HIC1: variants seen among roughly 807,000 people sequenced by gnomAD.
HIC1 encodes HIC ZBTB transcriptional repressor 1, also known as hypermethylated in cancer 1 protein.
Under a neutral mutation model 26.4 loss-of-function variants are expected in HIC1, and 9 were observed. The ratio of observed to expected loss-of-function variants is 0.34; its 90% CI spans 0.21 to 0.59. The LOEUF is 0.59. HIC1 is among the 20% of genes least tolerant of loss of function. HIC1 has a pLI of 0.82. For missense variants in HIC1, 965 were observed against 1,075.7 expected, an observed-to-expected ratio of 0.90 and a Z score of 1.44; for synonymous variants, 631 against 523.1, an observed-to-expected ratio of 1.21 and a Z score of -2.81.
In HIC1 at chr17:2,058,960, T is replaced by C. The variant is rs561855842; in HGVS notation, c.*125T>C. On this transcript the variant is annotated 3_prime_UTR_variant, in exon 2 of 2. Coordinates refer to ENST00000619757, the MANE Select transcript of HIC1 (RefSeq NM_006497.4). ...ACCGCAGCGTCGCCACAGTGGCGGCTCCACCTCTCGGCGGCCTCACCTGGC... is the reference window on the plus strand; with the variant it reads ...ACCGCAGCGTCGCCACAGTGGCGGCCCCACCTCTCGGCGGCCTCACCTGGC... 3.3e-5 allele frequency: 29 copies of C among 892,038 alleles called. No homozygotes were observed. In the African/African-American group the frequency reaches 4.3e-4, roughly 13 times the overall value. The allele number at this position is 892,038 out of a possible 1,614,324, so 55.3% of individuals were successfully genotyped here. A position where few individuals can be genotyped will look rare whatever the true frequency, so the allele number is the denominator to read the frequency against.
In HIC1 at chr17:2,060,701, G is replaced by C. The variant is rs534628118; in HGVS notation, c.*1866G>C. 6.6e-6 allele frequency: 1 copy of C among 152,380 alleles called. No homozygotes were observed. The highest frequency in any genetic ancestry group is 2.4e-5 in the African/African-American group (1 of 41,386). The allele number at this position is 152,380 out of a possible 1,614,324, so 9.4% of individuals were successfully genotyped here. On this transcript the variant is annotated 3_prime_UTR_variant, in exon 2 of 2. Transcript: ENST00000619757. ...ACATTTCCTGAAGAGGAAGCTAGAC[G>C]GAAAGAAAGGCCAGTGAGGAGAGAG... is the stretch of plus-strand genomic sequence containing the variant.
rs973922087 is a variant in HIC1, at chr17:2,060,006, C to T, written c.*1171C>T. 1 of 152,306 alleles carries T rather than the reference C, an allele frequency of 6.6e-6. No individual in the cohort carries two copies. The highest frequency in any genetic ancestry group is 2.4e-5 in the African/African-American group (1 of 41,448). 9.4% of individuals were successfully genotyped at this position (152,306 alleles called of 1,614,324 possible). On this transcript the variant is annotated 3_prime_UTR_variant, in exon 2 of 2. Transcript: ENST00000619757. The stretch of plus-strand genomic sequence containing the variant: ...GACCCTGTACTCCAAAGAGCCCAGT[C>T]TTCTGAGACTCTAGGGGACTCCTAC...
chr17:2,057,217 C>T lies in HIC1; in HGVS notation c.527C>T (p.Pro176Leu). 7.1e-7 allele frequency: 1 copy of T among 1,404,644 alleles called. No homozygotes were observed. Among genetic ancestry groups the T allele is most frequent in the East Asian group, 3.2e-5 (1 of 31,334 alleles). 87.0% of individuals were successfully genotyped at this position (1,404,644 alleles called of 1,614,324 possible). Residue 176 changes from proline to leucine, a missense_variant, in exon 2 of 2, where the codon CCT (proline) becomes CTT (leucine). Pro to Leu is a moderately conservative substitution (Grantham distance 98, BLOSUM62 -3). This residue lies in a region of HIC1 where 526 missense variants were observed against 525.0 expected (regional missense o/e 1.00). Transcript: ENST00000619757. Reference protein sequence around the residue: ...IQACYPSPVGPPPPPAAEPPS... With the variant: ...IQACYPSPVGLPPPPAAEPPS... ...GCCTGCTACCCGTCCCCAGTCGGGC[C>T]TCCGCCGCCGCCTGCCGCGGAGCCG...
chr17:2,057,735 G>C lies in HIC1; in HGVS notation c.1045G>C (p.Gly349Arg). ...TGGTGGGGACGCGGCCGTCTCGCCC[G>C]GGGGGCCCCCGCTCGGCCTGGCGCC... ...ERGGDAAVSP[G>R]GPPLGLAPPP... Residue 349 changes from glycine to arginine, a missense_variant, in exon 2 of 2, where the codon GGG becomes CGG. By Grantham distance (125) the Gly-to-Arg change is moderately radical. Around this residue, in one of 6 missense-constraint regions of HIC1, gnomAD observed 526 missense variants for 525.0 expected, o/e 1.00. Transcript: ENST00000619757. The C allele has an allele frequency of 1.4e-6, 2 of 1,394,674 alleles. No homozygotes were observed. The highest frequency in any genetic ancestry group is 1.6e-5 in the South Asian group (1 of 63,408). 86.4% of individuals were successfully genotyped at this position (1,394,674 alleles called of 1,614,324 possible).
chr17:2,056,282 C>T lies in HIC1; in HGVS notation c.-20-389C>T, dbSNP rs749168040. 7 of 1,606,984 alleles carry T rather than the reference C, an allele frequency of 4.4e-6. No homozygotes were observed. The Admixed American group carries it at 5.0e-5, about 11-fold the overall frequency. On this transcript the variant is annotated intron_variant, in intron 1 of 1. Coordinates refer to ENST00000619757, the MANE Select transcript of HIC1 (RefSeq NM_006497.4). ...CGCTGGTTCCTCGGCTCCCTTTCTCCCTACTTGGGTAAAGTTCTCCGCCCT... is the reference window on the plus strand; with the variant it reads ...CGCTGGTTCCTCGGCTCCCTTTCTCTCTACTTGGGTAAAGTTCTCCGCCCT...
At position 2,058,463 on chromosome 17, in the gene HIC1, G is replaced by A; in HGVS notation, c.1773G>A (p.Met591Ile). Residue 591 changes from methionine (M) to isoleucine (I), a missense_variant, in exon 2 of 2, where the codon ATG (methionine) becomes ATA (isoleucine). Physicochemically the swap from Met to Ile is conservative, Grantham distance 10. Coordinates refer to ENST00000619757, the MANE Select transcript of HIC1 (RefSeq NM_006497.4). ...AGCAACGCAACCTCATCAGCCACAT[G>A]AAGATGCACGCCGTGGGGGGCGCGG... ...FAQQRNLISH[M>I]KMHAVGGAAG... 6.4e-7 allele frequency: 1 copy of A among 1,565,136 alleles called. No homozygotes were observed. The highest frequency in any genetic ancestry group is 8.6e-7 in the Non-Finnish European group (1 of 1,160,126).
rs2067690569 is a variant in HIC1 at position 2,057,995 on chromosome 17, G to A, written c.1305G>A (p.Ala435=). The A allele has an allele frequency of 3.1e-6, 5 of 1,606,838 alleles. No individual in the cohort carries two copies. Among genetic ancestry groups the A allele is most frequent in the South Asian group, 2.2e-5 (2 of 90,208 alleles). The change falls in exon 2 of 2, where the codon GCG becomes GCA. Residue 435 remains alanine, a synonymous_variant. Transcript: ENST00000619757. ...KGFPSSEQLN[A]HVEAHVEEEE... is the part of the protein sequence containing the mutation. ...TCCCCAGCTCTGAGCAGCTGAACGC[G>A]CACGTGGAGGCTCACGTGGAGGAGG...
rs1176856402 is a variant in HIC1 at position 2,061,343 on chromosome 17, C to G, written c.*2508C>G. 13 of 779,246 alleles carry G rather than the reference C, an allele frequency of 1.7e-5. No individual in the cohort carries two copies. The highest frequency in any genetic ancestry group is 1.3e-4 in the Admixed American group (5 of 38,002). The allele number at this position is 779,246 out of a possible 1,614,324, so 48.3% of individuals were successfully genotyped here. On this transcript the variant is annotated 3_prime_UTR_variant, in exon 2 of 2. Transcript: ENST00000619757. ...GGCTCTGTGAGGAGCAGGTCCCCCA[C>G]AGCATGGCCGTGGCGTGGGTTGGAA...
In HIC1 at chr17:2,058,927, C is replaced by A; in HGVS notation, c.*92C>A. On this transcript the variant is annotated 3_prime_UTR_variant, in exon 2 of 2. Coordinates refer to ENST00000619757, the MANE Select transcript of HIC1 (RefSeq NM_006497.4). ...GGGCGGCGCGCAGGGCCCACTGTGC[C>A]CGGGACAACCGCAGCGTCGCCACAG... 1 of 1,134,768 alleles carries A rather than the reference C, an allele frequency of 8.8e-7. No homozygotes were observed. The highest frequency in any genetic ancestry group is 1.2e-6 in the Non-Finnish European group (1 of 853,504). 70.3% of individuals were successfully genotyped at this position (1,134,768 alleles called of 1,614,324 possible). A position where few individuals can be genotyped will look rare whatever the true frequency, so the allele number is the denominator to read the frequency against.
rs2067743010 is a variant in HIC1 at position 2,060,534 on chromosome 17, A to T, written c.*1699A>T. On this transcript the variant is annotated 3_prime_UTR_variant, in exon 2 of 2. Transcript: ENST00000619757. ...GGGAAAGTTCAGAGTGAGAACCCCT[A>T]TGACGAGGAACCGCGGTGAAGAAAT... 6.6e-6 allele frequency: 1 copy of T among 152,278 alleles called. No homozygotes were observed. Among genetic ancestry groups the T allele is most frequent in the Admixed American group, 6.5e-5 (1 of 15,272 alleles). The allele number at this position is 152,278 out of a possible 1,614,324, so 9.4% of individuals were successfully genotyped here. A position where few individuals can be genotyped will look rare whatever the true frequency, so the allele number is the denominator to read the frequency against.
Position 2,057,051 on chromosome 17 carries a change from G to C in HIC1, c.361G>C (p.Asp121His). The change falls in exon 2 of 2, where the codon GAC becomes CAC. Residue 121 changes from aspartate (D) to histidine (H), a missense_variant. By Grantham distance (81) the Asp-to-His change is moderately conservative. Coordinates refer to ENST00000619757, the MANE Select transcript of HIC1 (RefSeq NM_006497.4). ...CGCCGCCAGCTACCTGCAGATCCCC[G>C]ACCTCGTGGCGCTGTGCAAGAAACG... The part of the protein sequence containing the change: ...LAAASYLQIP[D>H]LVALCKKRLK... The C allele has an allele frequency of 6.7e-7, 1 of 1,485,946 alleles. No homozygotes were observed. Among genetic ancestry groups the C allele is most frequent in the South Asian group, 1.3e-5 (1 of 75,328 alleles). The allele number at this position is 1,485,946 out of a possible 1,614,324, so 92.0% of individuals were successfully genotyped here. A position where few individuals can be genotyped will look rare whatever the true frequency, so the allele number is the denominator to read the frequency against.
chr17:2,057,575 G>A lies in HIC1; in HGVS notation c.885G>A (p.Pro295=), dbSNP rs1277624047. The A allele has an allele frequency of 6.0e-6, 9 of 1,504,546 alleles. No individual in the cohort carries two copies. The highest frequency in any genetic ancestry group is 1.2e-5 in the South Asian group (1 of 81,614). 93.2% of individuals were successfully genotyped at this position (1,504,546 alleles called of 1,614,324 possible). The part of the protein sequence containing the change: ...SDPFRGGSGS[P]GPEPPGRPDG... ...CATTTCGCGGCGGCAGCGGCAGCCC[G>A]GGACCCGAGCCCCCCGGCCGCCCCG... The change falls in exon 2 of 2, where the codon CCG becomes CCA. Residue 295 remains proline, a synonymous_variant. Coordinates refer to ENST00000619757, the MANE Select transcript of HIC1 (RefSeq NM_006497.4).
At position 2,057,203 on chromosome 17, in the gene HIC1, G is replaced by A. The variant is rs900392762; in HGVS notation, c.513G>A (p.Pro171=). Residue 171 remains proline (P), a synonymous_variant, in exon 2 of 2, where the codon CCG becomes CCA. Transcript: ENST00000619757. ...CGCCGGTCATCCAGGCCTGCTACCC[G>A]TCCCCAGTCGGGCCTCCGCCGCCGC... ...AATPVIQACY[P]SPVGPPPPPA... is the part of the protein sequence containing the mutation. 1.7e-5 allele frequency: 24 copies of A among 1,384,490 alleles called. No individual in the cohort carries two copies. The highest frequency in any genetic ancestry group is 2.2e-5 in the Non-Finnish European group (24 of 1,071,510). 85.8% of individuals were successfully genotyped at this position (1,384,490 alleles called of 1,614,324 possible). A position where few individuals can be genotyped will look rare whatever the true frequency, so the allele number is the denominator to read the frequency against.
rs1333522853 is a variant in HIC1 at position 2,062,023 on chromosome 17, C to T, written c.*3188C>T. Reference sequence around the variant, plus strand: ...CCCACTTTTTTTTTTTTAACAAGTCCTCTCCCTCTAAAAGCCAGCAGGTTG... The same window carrying T: ...CCCACTTTTTTTTTTTTAACAAGTCTTCTCCCTCTAAAAGCCAGCAGGTTG... On this transcript the variant is annotated 3_prime_UTR_variant, in exon 2 of 2. Transcript: ENST00000619757. The T allele has an allele frequency of 1.2e-5, 2 of 160,724 alleles. No homozygotes were observed. Among genetic ancestry groups the T allele is most frequent in the African/African-American group, 2.4e-5 (1 of 41,592 alleles). 10.0% of individuals were successfully genotyped at this position (160,724 alleles called of 1,614,324 possible).
chr17:2,058,157 C>G lies in HIC1; in HGVS notation c.1467C>G (p.Arg489=), dbSNP rs1274003107. ...TGGGAGAGCTGCTGCGGCCCTACCG[C>G]TGCGCGTCGTGCGACAAGAGCTACA... ...GGLGELLRPY[R]CASCDKSYKD... The change falls in exon 2 of 2, where the codon CGC becomes CGG. Residue 489 remains arginine (R), a synonymous_variant. Coordinates refer to ENST00000619757, the MANE Select transcript of HIC1 (RefSeq NM_006497.4). 6.2e-7 allele frequency: 1 copy of G among 1,609,186 alleles called. No individual in the cohort carries two copies. Among genetic ancestry groups the G allele is most frequent in the Non-Finnish European group, 8.5e-7 (1 of 1,179,626 alleles).
chr17:2,056,812 C>T lies in HIC1; in HGVS notation c.122C>T (p.Ala41Val). The change falls in exon 2 of 2, where the codon GCG (alanine) becomes GTG (valine). Residue 41 changes from alanine to valine, a missense_variant. Coordinates refer to ENST00000619757, the MANE Select transcript of HIC1 (RefSeq NM_006497.4). Reference protein sequence around the residue: ...IIVVQNALFRAHKNVLAASSA... With the variant: ...IIVVQNALFRVHKNVLAASSA... ...GTGGTGCAGAACGCCCTCTTCCGCG[C>T]GCACAAGAACGTGCTGGCGGCCAGC... The T allele has an allele frequency of 6.2e-7, 1 of 1,612,780 alleles. No homozygotes were observed. Among genetic ancestry groups the T allele is most frequent in the East Asian group, 2.2e-5 (1 of 44,872 alleles).
rs2067719614 is a variant in HIC1 at position 2,059,725 on chromosome 17, A to G, written c.*890A>G. The G allele has an allele frequency of 6.0e-6, 1 of 167,120 alleles. No individual in the cohort carries two copies. The highest frequency in any genetic ancestry group is 1.5e-5 in the Non-Finnish European group (1 of 68,266). 10.4% of individuals were successfully genotyped at this position (167,120 alleles called of 1,614,324 possible). A position where few individuals can be genotyped will look rare whatever the true frequency, so the allele number is the denominator to read the frequency against. ...TGCTCTCTTCTGCCCCTGCACAAGG[A>G]CCTGGATGGGCTGCGCCCGCTGGGT... On this transcript the variant is annotated 3_prime_UTR_variant, in exon 2 of 2. Transcript: ENST00000619757.
rs755089497 is a variant in HIC1, at chr17:2,056,804, C to T, written c.114C>T (p.Leu38=). ...CDVIIVVQNA[L]FRAHKNVLAA... The stretch of plus-strand genomic sequence containing the variant: ...TGATCATCGTGGTGCAGAACGCCCT[C>T]TTCCGCGCGCACAAGAACGTGCTGG... Residue 38 remains leucine (L), a synonymous_variant, in exon 2 of 2, where the codon CTC becomes CTT. Transcript: ENST00000619757. 2 of 1,612,694 alleles carry T rather than the reference C, an allele frequency of 1.2e-6. No homozygotes were observed. Among genetic ancestry groups the T allele is most frequent in the Admixed American group, 3.3e-5 (2 of 60,004 alleles).
chr17:2,058,840 C>A lies in HIC1; in HGVS notation c.*5C>A. On this transcript the variant is annotated 3_prime_UTR_variant, in exon 2 of 2. Transcript: ENST00000619757. ...GACCGTTTCTCTCCCACCTAGAGCG[C>A]CCCTCGCCAGCCCGCTCTGTCGCTG... The A allele has an allele frequency of 6.9e-7, 1 of 1,439,504 alleles. No individual in the cohort carries two copies. The highest frequency in any genetic ancestry group is 9.1e-7 in the Non-Finnish European group (1 of 1,101,266). 89.2% of individuals were successfully genotyped at this position (1,439,504 alleles called of 1,614,324 possible). A position where few individuals can be genotyped will look rare whatever the true frequency, so the allele number is the denominator to read the frequency against.
Sources: gnomAD v4.1 joint callset for allele counts on GRCh38, gnomAD v4.1.1 for gene constraint, gnomAD v4.1.1 regional missense constraint, MANE v1.5 for transcripts, NCBI Gene and HGNC (gene_info 2026-07-23, HGNC 2026-07-21) for gene names.